EXT2: variants seen among roughly 807,000 people sequenced by gnomAD.
The protein encoded by EXT2 is exostosin glycosyltransferase 2, also known as exostosin-2.
EXT2 carries 53 observed loss-of-function variants against 81.6 expected under a neutral mutation model. The ratio of observed to expected loss-of-function variants is 0.65; its 90% CI spans 0.52 to 0.82. The LOEUF is 0.82. EXT2 is among the 40% of genes least tolerant of loss of function. The pLI, the probability that EXT2 is intolerant of heterozygous loss-of-function variation, is 0.00. For missense variants in EXT2, 774 were observed against 910.2 expected (o/e 0.85, Z 1.93); for synonymous variants, 320 against 340.0 (o/e 0.94, Z 0.65).
At chr11:44,143,388 C>G (rs1954671911) in intron 7 of EXT2, among the ~76,000 whole-genome samples, 1 of 152,294 alleles carries the variant, frequency 6.6e-6, no homozygotes, top group East Asian at 1.9e-4. Context: ...ACATATCACT[C>G]CTACTCCTCC....
At chr11:44,139,271 A>G (rs1222381986) in intron 7 of EXT2, among the ~76,000 whole-genome samples, 7 of 151,904 alleles carry the variant, frequency 4.6e-5, no homozygotes, top group Admixed American at 4.6e-4. Flanking sequence ...CAATGGAAAA[A>G]AAAATGGTAC....
Position 44,171,690 on chromosome 11 carries a change from T to C in EXT2, c.1253T>C (p.Ile418Thr), listed in dbSNP as rs778977030. The change falls in exon 8 of 14, where the codon ATC (isoleucine) becomes ACC (threonine). Residue 418 changes from isoleucine to threonine, a missense_variant. Coordinates refer to ENST00000533608, the MANE Select transcript of EXT2 (RefSeq NM_207122.2). ...LATLQIINDRIYPYAAISYEE... is the reference protein window; with the variant it reads ...LATLQIINDRTYPYAAISYEE... ...ACCCTGCAGATTATCAATGACCGGA[T>C]CTATCCATATGCTGCCATCTCCTAT... 1.1e-5 allele frequency: 17 copies of C among 1,614,002 alleles called. No homozygotes were observed. The highest frequency in any genetic ancestry group is 1.4e-5 in the Non-Finnish European group (17 of 1,179,976).
intron 7 of EXT2, among the ~76,000 whole-genome samples, chr11:44,164,685 T>C (rs1954969168): frequency 6.6e-6 from 1 of 152,322 alleles, no homozygotes; most frequent in Admixed American, 6.5e-5. Context: ...ATAGTTCTTA[T>C]GCTGTGAAAT....
chr11:44,122,607 T>C (rs1954334489), intron 4 of EXT2, among the ~76,000 whole-genome samples: 1 of 152,236 alleles, frequency 6.6e-6, no homozygotes, highest in Admixed American at 6.5e-5. Context: ...TATTGCTCAA[T>C]AAATTGTAAT....
intron 10 of EXT2, among the ~76,000 whole-genome samples, chr11:44,214,271 C>T (rs944858766): frequency 1.3e-5 from 2 of 152,086 alleles, no homozygotes; most frequent in Non-Finnish European, 2.9e-5. Flanking sequence ...CCCACCACCA[C>T]GCCCGGCTAA....
chr11:44,162,897 G>A (rs1368383027), intron 7 of EXT2, among the ~76,000 whole-genome samples: 3 of 152,176 alleles, frequency 2.0e-5, no homozygotes, highest in East Asian at 3.9e-4. Context: ...TGTTTTATGC[G>A]GCAAGGTGTT....
chr11:44,134,455 G>A (rs940021291), intron 7 of EXT2, among the ~76,000 whole-genome samples: 2 of 152,176 alleles, frequency 1.3e-5, no homozygotes, highest in African/African-American at 4.8e-5. Context: ...GAAAGTTGGG[G>A]CTAAAGCTGT....
intron 4 of EXT2, among the ~76,000 whole-genome samples, chr11:44,123,245 C>T (rs1954344709): frequency 1.3e-5 from 2 of 152,180 alleles, no homozygotes. Context: ...AACTTCCAAA[C>T]AAGTCTGAGT....
At chr11:44,213,695 T>C (rs549448160) in intron 10 of EXT2, among the ~76,000 whole-genome samples, 1 of 152,144 alleles carries the variant, frequency 6.6e-6, no homozygotes, top group Non-Finnish European at 1.5e-5. Flanking sequence ...AGAGAAGAAA[T>C]AGATTGGCGA....
intron 4 of EXT2, among the ~76,000 whole-genome samples, chr11:44,121,388 C>T (rs1393196985): frequency 2.0e-5 from 3 of 152,186 alleles, no homozygotes; most frequent in African/African-American, 7.2e-5. Flanking sequence ...TCTATTTGTG[C>T]ATATTGAAAA....
At chr11:44,189,170 C>A (rs529112844) in intron 8 of EXT2, among the ~76,000 whole-genome samples, 1 of 152,302 alleles carries the variant, frequency 6.6e-6, no homozygotes, top group South Asian at 2.1e-4. Flanking sequence ...GTGATGCCAC[C>A]ATTTAGAAAA....
At chr11:44,123,045 C>T (rs796249975) in intron 4 of EXT2, among the ~76,000 whole-genome samples, 6 of 152,140 alleles carry the variant, frequency 3.9e-5, no homozygotes, top group African/African-American at 1.2e-4. Context: ...ATCCTGAGGA[C>T]GTAAAAGCAG....
chr11:44,251,765 G>A lies in EXT2; in HGVS notation c.*7478G>A, dbSNP rs1404366778. On this transcript the variant is annotated 3_prime_UTR_variant, in exon 14 of 14. Transcript: ENST00000533608. ...TTTCCCTTAAAAAATAAAAAAACCT[G>A]ATGTGATGGGTTCCTTCAGTCAACA... Among the ~76,000 whole-genome samples, 1 of 152,080 alleles carries A rather than the reference G, an allele frequency of 6.6e-6. No homozygotes were observed. The highest frequency in any genetic ancestry group is 1.5e-5 in the Non-Finnish European group (1 of 68,018).
At chr11:44,237,788 G>A (rs1274891687) in intron 13 of EXT2, among the ~76,000 whole-genome samples, 1 of 151,892 alleles carries the variant, frequency 6.6e-6, no homozygotes, top group East Asian at 1.9e-4. Flanking sequence ...TGAGAGCCAG[G>A]TGTGGTGGCT....
chr11:44,157,439 C>T (rs1444774996), intron 7 of EXT2, among the ~76,000 whole-genome samples: 1 of 152,236 alleles, frequency 6.6e-6, no homozygotes, highest in Non-Finnish European at 1.5e-5. Flanking sequence ...GGCATCCAAG[C>T]TGCAAGTCCT....
At chr11:44,178,885 G>T (rs1372164448) in intron 8 of EXT2, among the ~76,000 whole-genome samples, 1 of 151,966 alleles carries the variant, frequency 6.6e-6, no homozygotes, top group Non-Finnish European at 1.5e-5. Flanking sequence ...GTTTTTATAG[G>T]TATCACATTT....
rs1954093408 is a variant in EXT2, at chr11:44,108,348, G to A, written c.536+100G>A. 3 of 1,306,776 alleles carry A rather than the reference G, an allele frequency of 2.3e-6. No homozygotes were observed. The South Asian group carries it at 3.7e-5, about 16-fold the overall frequency. 80.9% of individuals were successfully genotyped at this position (1,306,776 alleles called of 1,614,324 possible). A position where few individuals can be genotyped will look rare whatever the true frequency, so the allele number is the denominator to read the frequency against. ...ATGGGAATGCTTCTGCTCTTGAGTT[G>A]GTTTCCCGATGCTGTCTTCTTGCAG... On this transcript the variant is annotated intron_variant, in intron 2 of 13. Coordinates refer to ENST00000533608, the MANE Select transcript of EXT2 (RefSeq NM_207122.2).
chr11:44,214,942 G>T (rs761799159), intron 10 of EXT2, among the ~76,000 whole-genome samples: 1 of 151,704 alleles, frequency 6.6e-6, no homozygotes, highest in Non-Finnish European at 1.5e-5. Flanking sequence ...GGGTGGGGGC[G>T]GTAGACAAGC....
chr11:44,201,527 C>G (rs936375444), intron 9 of EXT2, among the ~76,000 whole-genome samples: 8 of 152,258 alleles, frequency 5.3e-5, no homozygotes, highest in Middle Eastern at 3.4e-3. Context: ...GAAATCAGCA[C>G]AGATCTTTCT....
Sources: gnomAD v4.1 joint callset for allele counts (sites outside exome capture counted in the v4.1 genomes callset) on GRCh38, gnomAD v4.1.1 for gene constraint, MANE v1.5 for transcripts, NCBI Gene and HGNC (gene_info 2026-07-23, HGNC 2026-07-21) for gene names.